TSPAN8: variants seen among roughly 807,000 people sequenced by gnomAD.
TSPAN8 encodes tetraspanin 8.
TSPAN8 carries 21 observed loss-of-function variants against 32.8 expected under a neutral mutation model. That is an observed-to-expected ratio of 0.64 (90% CI 0.45 to 0.92). TSPAN8 has a LOEUF of 0.92. Among genes scored for constraint, TSPAN8 ranks in the 40% least tolerant of loss-of-function variants. The pLI, the probability that TSPAN8 is intolerant of heterozygous loss-of-function variation, is 0.00. For missense variants in TSPAN8, 269 were observed against 281.9 expected, an observed-to-expected ratio of 0.95 and a Z score of 0.33; for synonymous variants, 95 against 94.6, an observed-to-expected ratio of 1.00 and a Z score of -0.03.
At chr12:71,133,700 T>C (rs534623937) in intron 6 of TSPAN8, among the ~76,000 whole-genome samples, 1 of 152,136 alleles carries the variant, frequency 6.6e-6, no homozygotes, top group East Asian at 1.9e-4. Context: ...AAAGTTACAG[T>C]CCCAGAATAA....
chr12:71,151,343 A>G (rs1044474790), intron 2 of TSPAN8, among the ~76,000 whole-genome samples: 4 of 152,296 alleles, frequency 2.6e-5, no homozygotes, highest in East Asian at 1.9e-4. Context: ...GATTACAGGC[A>G]TGAGCCACCG....
chr12:71,151,498 T>C (rs1175734093), intron 2 of TSPAN8, among the ~76,000 whole-genome samples: 3 of 152,246 alleles, frequency 2.0e-5, no homozygotes, highest in Non-Finnish European at 4.4e-5. Context: ...ACTAAAAGCC[T>C]ACATTCAAAA....
chr12:71,133,499 A>T, intron 6 of TSPAN8, among the ~76,000 whole-genome samples: 1 of 152,218 alleles, frequency 6.6e-6, no homozygotes, highest in African/African-American at 2.4e-5. Flanking sequence ...CAAAAGAGAC[A>T]TGAAGTTTTA....
intron 1 of TSPAN8, 70 bp from the exon 2 acceptor site, chr12:71,157,857 T>G: frequency 3.5e-6 from 2 of 573,452 alleles, no homozygotes; most frequent in Non-Finnish European, 6.2e-6. Context: ...GATAAAAAAA[T>G]TAACCCACAC....
intron 7 of TSPAN8, among the ~76,000 whole-genome samples, chr12:71,132,101 A>G (rs570797749): frequency 1.1e-4 from 17 of 152,314 alleles, no homozygotes; most frequent in African/African-American, 4.1e-4. Context: ...GACATCTACA[A>G]CACATAAAAG....
At chr12:71,136,242 T>C (rs1209045395) in intron 6 of TSPAN8, among the ~76,000 whole-genome samples, 18 of 152,188 alleles carry the variant, frequency 1.2e-4, no homozygotes. Context: ...TCTGAAACTC[T>C]GGAAAAACTA....
intron 2 of TSPAN8, among the ~76,000 whole-genome samples, chr12:71,151,630 T>G (rs1175595014): frequency 6.6e-6 from 1 of 152,184 alleles, no homozygotes; most frequent in Non-Finnish European, 1.5e-5. Flanking sequence ...TTCATATAAG[T>G]AACAGTTGTA....
chr12:71,150,655 T>C (rs1352837324), intron 2 of TSPAN8, among the ~76,000 whole-genome samples: 1 of 152,088 alleles, frequency 6.6e-6, no homozygotes, highest in Non-Finnish European at 1.5e-5. Flanking sequence ...ATATTAATGG[T>C]GTTTATTGTA....
chr12:71,146,855 C>T (rs979501821), intron 2 of TSPAN8, among the ~76,000 whole-genome samples: 1 of 152,104 alleles, frequency 6.6e-6, no homozygotes, highest in African/African-American at 2.4e-5. Context: ...GCCCTAACCT[C>T]CAATGTATCT....
intron 3 of TSPAN8, among the ~76,000 whole-genome samples, chr12:71,140,382 A>T (rs900465998): frequency 3.3e-5 from 5 of 152,232 alleles, no homozygotes; most frequent in Non-Finnish European, 1.5e-5. Context: ...AAATCAAAGC[A>T]GTGCTTGACT....
chr12:71,139,083 T>C (rs1871806976), intron 4 of TSPAN8: 1 of 456,028 alleles, frequency 2.2e-6, no homozygotes, highest in Non-Finnish European at 4.4e-6. Flanking sequence ...TAATTCTGAT[T>C]ATCTCATTCA....
chr12:71,153,296 A>G (rs531851157), intron 2 of TSPAN8, among the ~76,000 whole-genome samples: 3 of 152,348 alleles, frequency 2.0e-5, no homozygotes, highest in African/African-American at 7.2e-5. Context: ...TAATTTATCT[A>G]TTATCTGCAG....
At chr12:71,154,256 C>T (rs1872350943) in intron 2 of TSPAN8, among the ~76,000 whole-genome samples, 1 of 151,276 alleles carries the variant, frequency 6.6e-6, no homozygotes, top group South Asian at 2.1e-4. Flanking sequence ...GCTGCAGTGA[C>T]CCGAGATCAT....
chr12:71,148,115 A>G (rs747824016), intron 2 of TSPAN8, among the ~76,000 whole-genome samples: 5 of 152,244 alleles, frequency 3.3e-5, no homozygotes, highest in African/African-American at 7.2e-5. Flanking sequence ...AATAAAAAAT[A>G]TAACTATTTA....
chr12:71,142,861 ACAG>A (rs1480826011), intron 3 of TSPAN8, among the ~76,000 whole-genome samples: 1 of 151,536 alleles, frequency 6.6e-6, no homozygotes, highest in Non-Finnish European at 1.5e-5. Flanking sequence ...AAAAAAAAAA[ACAG>A]AGATAGAGTG....
rs1871918465 is a variant in TSPAN8 at position 71,142,051 on chromosome 12, C to T, written c.123+2100G>A. Among the ~76,000 whole-genome samples the T allele has an allele frequency of 3.3e-5, 5 of 152,182 alleles. No individual in the cohort carries two copies. The South Asian group carries it at 8.3e-4, about 25-fold the overall frequency. ...GACATCCTTCTTTTCTGTGTTTATG[C>T]TCATGTTTTTCCTTCCAAAACAGCT... On this transcript the variant is annotated intron_variant, in intron 3 of 8. Coordinates refer to ENST00000247829, the MANE Select transcript of TSPAN8 (RefSeq NM_004616.3).
chr12:71,143,300 T>C lies in TSPAN8; in HGVS notation c.123+851A>G, dbSNP rs137972914. Among the ~76,000 whole-genome samples, 181 of 152,328 alleles carry C rather than the reference T, an allele frequency of 1.2e-3. 1 individual carries two copies. The highest frequency in any genetic ancestry group is 4.0e-3 in the African/African-American group (168 of 41,576). ...AGGAAATGGTGCCAGGGTGGTATTATGTTCCGTAAAACTGACAGAACAATC... is the reference window on the plus strand; with the variant it reads ...AGGAAATGGTGCCAGGGTGGTATTACGTTCCGTAAAACTGACAGAACAATC... On this transcript the variant is annotated intron_variant, in intron 3 of 8. Transcript: ENST00000247829.
At chr12:71,132,228 T>G (rs1323442547) in intron 7 of TSPAN8, among the ~76,000 whole-genome samples, 5 of 152,202 alleles carry the variant, frequency 3.3e-5, no homozygotes, top group Admixed American at 1.3e-4. Flanking sequence ...TTAAATGTAT[T>G]TGGGAAGGAC....
intron 7 of TSPAN8, among the ~76,000 whole-genome samples, chr12:71,131,662 C>G (rs1871522670): frequency 1.0e-5 from 1 of 99,564 alleles, no homozygotes; most frequent in South Asian, 3.5e-4. Context: ...TAGCAAGGGT[C>G]TGTCTGACAT....
Sources: gnomAD v4.1 joint callset for allele counts (sites outside exome capture counted in the v4.1 genomes callset) on GRCh38, gnomAD v4.1.1 for gene constraint, MANE v1.5 for transcripts, NCBI Gene and HGNC (gene_info 2026-07-23, HGNC 2026-07-21) for gene names.